CACNA1E: variants seen among roughly 807,000 people sequenced by gnomAD.
The protein encoded by CACNA1E is calcium voltage-gated channel subunit alpha1 E.
A neutral mutation model predicts 259.2 loss-of-function variants in CACNA1E; 40 were observed. That is an observed-to-expected ratio of 0.15 (90% CI 0.12 to 0.20). The LOEUF is 0.20. Among genes scored for constraint, CACNA1E ranks in the 10% least tolerant of loss-of-function variants. The pLI, the probability that CACNA1E is intolerant of heterozygous loss-of-function variation, is 1.00. For synonymous variants in CACNA1E, 1,104 were observed against 1,138.5 expected, an observed-to-expected ratio of 0.97 and a Z score of 0.61; for missense variants, 1,874 against 3,040.1, an observed-to-expected ratio of 0.62 and a Z score of 9.02.
chr1:181,750,342 T>C (rs1458871529), intron 25 of CACNA1E, 134 bp from the exon 26 acceptor site: 1 of 732,902 alleles, frequency 1.4e-6, no homozygotes, highest in Non-Finnish European at 2.3e-6. Flanking sequence ...TGTGCTGCTC[T>C]GATTCCCTAT....
intron 1 of CACNA1E, among the ~76,000 whole-genome samples, chr1:181,350,303 G>A (rs1652931346): frequency 6.6e-6 from 1 of 152,214 alleles, no homozygotes; most frequent in South Asian, 2.1e-4. Context: ...TGTGTGTCCT[G>A]GCACTGAGAG....
chr1:181,527,691 T>C (rs671497), intron 3 of CACNA1E, among the ~76,000 whole-genome samples: 25,603 of 152,148 alleles, frequency 0.17, 2,322 homozygotes, highest in African/African-American at 0.23. Context: ...GTACCTTCAG[T>C]AAATAGATCC....
chr1:181,664,011 A>G (rs371648177), intron 7 of CACNA1E, among the ~76,000 whole-genome samples: 1 of 152,242 alleles, frequency 6.6e-6, no homozygotes, highest in African/African-American at 2.4e-5. Context: ...GGAAGCAGAA[A>G]AAGACAAAAC....
chr1:181,350,569 C>A (rs190906719), intron 1 of CACNA1E, among the ~76,000 whole-genome samples: 1 of 152,274 alleles, frequency 6.6e-6, no homozygotes, highest in South Asian at 2.1e-4. Flanking sequence ...ACTGAGACAA[C>A]GTTAGACGGA....
At chr1:181,460,444 C>A (rs1321678455) in intron 2 of CACNA1E, among the ~76,000 whole-genome samples, 9 of 152,120 alleles carry the variant, frequency 5.9e-5, no homozygotes, top group South Asian at 2.1e-4. Context: ...AGGAACAGGA[C>A]CCACACCTTT....
chr1:181,404,031 A>G (rs1018017686), intron 1 of CACNA1E, among the ~76,000 whole-genome samples: 2 of 152,228 alleles, frequency 1.3e-5, no homozygotes, highest in African/African-American at 2.4e-5. Context: ...CCAAAACCCT[A>G]GTAAATGTTA....
chr1:181,654,151 A>G (rs1270288662), intron 7 of CACNA1E, among the ~76,000 whole-genome samples: 3 of 121,248 alleles, frequency 2.5e-5, no homozygotes. Flanking sequence ...ACAGGCCAAT[A>G]AATTAAAAAA....
chr1:181,351,810 T>C lies in CACNA1E; in HGVS notation c.-15+33687T>C, dbSNP rs144654153. ...TTGCATTTAGGCCCATCCAGATAAA[T>C]CCAGGATAATCTCTCCATCTCAAGA... On this transcript the variant is annotated intron_variant, in intron 1 of 11. Coordinates refer to the CACNA1E transcript ENST00000524607. Among the ~76,000 whole-genome samples, 930 of 152,320 alleles carry C rather than the reference T, an allele frequency of 6.1e-3. 8 individuals carry two copies. The highest frequency in any genetic ancestry group is 9.7e-3 in the Non-Finnish European group (659 of 68,026).
intron 3 of CACNA1E, among the ~76,000 whole-genome samples, chr1:181,550,041 G>C (rs1647957847): frequency 6.6e-6 from 1 of 152,132 alleles, no homozygotes; most frequent in African/African-American, 2.4e-5. Flanking sequence ...GTGTGTGTTG[G>C]GGGTAATTAG....
chr1:181,562,978 AT>A (rs1408095117), intron 3 of CACNA1E, among the ~76,000 whole-genome samples: 1 of 152,168 alleles, frequency 6.6e-6, no homozygotes, highest in African/African-American at 2.4e-5. Context: ...CTTATCTTTT[AT>A]TTTATTCCAA....
At chr1:181,717,011 GCCCATCTTGC>G (rs1012905612) in intron 10 of CACNA1E, 72 bp from the exon 11 acceptor site, 2 of 1,137,922 alleles carry the variant, frequency 1.8e-6, no homozygotes, top group African/African-American at 3.1e-5. Flanking sequence ...GACTAGAGCA[GCCCATCTTGC>G]CCTTCGAATG....
chr1:181,477,787 A>G (rs979100918), intron 2 of CACNA1E, among the ~76,000 whole-genome samples: 4 of 152,220 alleles, frequency 2.6e-5, no homozygotes, highest in Admixed American at 2.6e-4. Flanking sequence ...AAATGTACAT[A>G]ACAAGTACTT....
intron 2 of CACNA1E, among the ~76,000 whole-genome samples, chr1:181,435,355 A>G (rs918895956): frequency 2.0e-5 from 3 of 152,198 alleles, no homozygotes; most frequent in Non-Finnish European, 2.9e-5. Flanking sequence ...ACTACAGAAA[A>G]TTATCTAATT....
At chr1:181,327,802 A>G (rs1047686557) in intron 1 of CACNA1E, among the ~76,000 whole-genome samples, 5 of 152,186 alleles carry the variant, frequency 3.3e-5, no homozygotes, top group Admixed American at 6.5e-5. Context: ...TTTGCTGCAT[A>G]ATAAATCACC....
chr1:181,372,268 T>G (rs1654759364), intron 1 of CACNA1E, among the ~76,000 whole-genome samples: 1 of 152,198 alleles, frequency 6.6e-6, no homozygotes, highest in East Asian at 1.9e-4. Context: ...TGTCTCTGAT[T>G]TCTTTCAGCA....
At chr1:181,367,395 A>G (rs1045975593) in intron 1 of CACNA1E, among the ~76,000 whole-genome samples, 4 of 150,270 alleles carry the variant, frequency 2.7e-5, no homozygotes, top group Non-Finnish European at 5.9e-5. Flanking sequence ...CTGGATATTT[A>G]TTTCTGCTGT....
chr1:181,778,659 C>T (rs1660161463), intron 38 of CACNA1E, among the ~76,000 whole-genome samples: 1 of 152,150 alleles, frequency 6.6e-6, no homozygotes. Flanking sequence ...GAAGCTGGTA[C>T]TCTCTAATGG....
chr1:181,774,120 C>G (rs1351012758), intron 37 of CACNA1E, among the ~76,000 whole-genome samples: 1 of 152,184 alleles, frequency 6.6e-6, no homozygotes, highest in Non-Finnish European at 1.5e-5. Context: ...GGTAATTAAA[C>G]CTGCCTCACA....
chr1:181,650,714 A>G (rs1205776690), intron 6 of CACNA1E, among the ~76,000 whole-genome samples: 1 of 152,208 alleles, frequency 6.6e-6, no homozygotes, highest in African/African-American at 2.4e-5. Flanking sequence ...GCATTTTTTA[A>G]TTCACTGAGT....
Sources: gnomAD v4.1 joint callset for allele counts (sites outside exome capture counted in the v4.1 genomes callset) on GRCh38, gnomAD v4.1.1 for gene constraint, MANE v1.5 for transcripts, NCBI Gene and HGNC (gene_info 2026-07-23, HGNC 2026-07-21) for gene names.